MTG2: variants seen among roughly 807,000 people sequenced by gnomAD.
The protein encoded by MTG2 is mitochondrial ribosome-associated GTPase 2.
A neutral mutation model predicts 28.6 loss-of-function variants in MTG2; 23 were observed. The observed-to-expected ratio is 0.80, with a 90% CI of 0.58 to 1.14. MTG2 has a LOEUF of 1.14. MTG2 is among the 50% of genes most tolerant of loss of function. MTG2 has a pLI of 0.00. For missense variants in MTG2, 539 were observed against 552.0 expected (o/e 0.98, Z 0.24); for synonymous variants, 260 against 251.8 (o/e 1.03, Z -0.31).
intron 1 of MTG2, among the ~76,000 whole-genome samples, chr20:62,191,615 T>C (rs145616231): frequency 6.9e-4 from 105 of 152,272 alleles, no homozygotes; most frequent in Admixed American, 1.6e-3. Flanking sequence ...TCCGAGGCAC[T>C]GCGAGGGAGG....
intron 2 of MTG2, 179 bp downstream of exon 2, chr20:62,193,803 C>T (rs1221301971): frequency 2.7e-5 from 17 of 639,144 alleles, no homozygotes; most frequent in South Asian, 1.0e-4. Context: ...CTAAATCCCA[C>T]GCTCAGCAAA....
At chr20:62,196,167 G>GTT (rs35103146) in intron 3 of MTG2, among the ~76,000 whole-genome samples, 11 of 145,972 alleles carry the variant, frequency 7.5e-5, no homozygotes, top group South Asian at 2.1e-4. Context: ...TTGTTTTTTT[G>GTT]TTTTTTTTTT....
intron 6 of MTG2, 83 bp from the exon 7 acceptor site, chr20:62,200,600 C>T: frequency 2.0e-6 from 3 of 1,483,820 alleles, no homozygotes; most frequent in Middle Eastern, 2.1e-4. Flanking sequence ...TCCAGGCCTT[C>T]TCTCCCAGGC....
intron 4 of MTG2, 38 bp from the exon 5 acceptor site, chr20:62,198,595 CT>C (rs1332380667): frequency 6.3e-7 from 1 of 1,599,822 alleles, no homozygotes; most frequent in Non-Finnish European, 8.5e-7. Context: ...TTCCTCACTG[CT>C]GGTAGAGCTC....
At chr20:62,184,530 G>A (rs2057800908) in intron 1 of MTG2, among the ~76,000 whole-genome samples, 1 of 152,206 alleles carries the variant, frequency 6.6e-6, no homozygotes, top group Admixed American at 6.5e-5. Flanking sequence ...ATCAGGGAAG[G>A]CAGCAGTGAT....
At chr20:62,190,571 A>G (rs79535848) in intron 1 of MTG2, among the ~76,000 whole-genome samples, 2,822 of 152,262 alleles carry the variant, frequency 0.019, 42 homozygotes, top group Non-Finnish European at 0.026. Flanking sequence ...TCTGAAAGAT[A>G]TTTTCCCTGC....
intron 3 of MTG2, chr20:62,197,074 A>G (rs1001195956): frequency 2.0e-5 from 3 of 150,296 alleles, no homozygotes; most frequent in Non-Finnish European, 3.0e-5. Flanking sequence ...AATTATATGG[A>G]TATTCATAGT....
chr20:62,198,778 A>G lies in MTG2; in HGVS notation c.613A>G (p.Thr205Ala), dbSNP rs1363276402. Reference protein sequence around the residue: ...FLANNNRAPVTCTPGQPGQQR... With the variant: ...FLANNNRAPVACTPGQPGQQR... ...GGCCAACAACAACCGTGCCCCTGTG[A>G]CCTGTACCCCTGGACAGCCAGGACA... The change falls in exon 5 of 7, where the codon ACC becomes GCC. Residue 205 changes from threonine to alanine, a missense_variant. By Grantham distance (58) the Thr-to-Ala change is moderately conservative. Coordinates refer to ENST00000370823, the MANE Select transcript of MTG2 (RefSeq NM_015666.4). 1.9e-6 allele frequency: 3 copies of G among 1,614,116 alleles called. No homozygotes were observed. In the Admixed American group the frequency reaches 5.0e-5, roughly 27 times the overall value.
At chr20:62,186,226 C>T (rs939390271) in intron 1 of MTG2, among the ~76,000 whole-genome samples, 2 of 152,086 alleles carry the variant, frequency 1.3e-5, no homozygotes, top group East Asian at 1.9e-4. Flanking sequence ...GCCCAGTTTC[C>T]GCAACTTTAA....
chr20:62,198,213 CTTT>C, intron 4 of MTG2: 1 of 547,038 alleles, frequency 1.8e-6, no homozygotes, highest in East Asian at 3.1e-5. Context: ...AAACGATTCT[CTTT>C]TAAAAAGAGG....
chr20:62,197,930 A>G lies in MTG2; in HGVS notation c.431A>G (p.Asn144Ser). The change falls in exon 4 of 7, where the codon AAC (asparagine) becomes AGC (serine). Residue 144 changes from asparagine (N) to serine (S), a missense_variant. Transcript: ENST00000370823. ...AGTGGAGAAGATGGAGGGAGTAAAA[A>G]CTGCTTCGGGCGCAGTGGCGCCGTC... ...GFSGEDGGSK[N>S]CFGRSGAVLY... is the part of the protein sequence containing the mutation. 1 of 1,614,028 alleles carries G rather than the reference A, an allele frequency of 6.2e-7. No homozygotes were observed. Among genetic ancestry groups the G allele is most frequent in the Non-Finnish European group, 8.5e-7 (1 of 1,179,982 alleles).
rs2058167737 is a variant in MTG2, at chr20:62,201,365, C to T, written c.*288C>T. 6 of 429,946 alleles carry T rather than the reference C, an allele frequency of 1.4e-5. No individual in the cohort carries two copies. Among genetic ancestry groups the T allele is most frequent in the South Asian group, 6.4e-5 (2 of 31,232 alleles). 26.6% of individuals were successfully genotyped at this position (429,946 alleles called of 1,614,324 possible). A position where few individuals can be genotyped will look rare whatever the true frequency, so the allele number is the denominator to read the frequency against. On this transcript the variant is annotated 3_prime_UTR_variant, in exon 7 of 7. Coordinates refer to ENST00000370823, the MANE Select transcript of MTG2 (RefSeq NM_015666.4). The stretch of plus-strand genomic sequence containing the variant: ...TAATAAGGGGTTGGGGTGCCCATAA[C>T]GGGGTGGCCCTGCCGCTGACTCAGG...
intron 1 of MTG2, among the ~76,000 whole-genome samples, chr20:62,184,688 G>A (rs542206151): frequency 3.9e-5 from 6 of 152,314 alleles, no homozygotes; most frequent in Admixed American, 3.9e-4. Context: ...TTTTCCTATG[G>A]GGCAAGCTCA....
intron 2 of MTG2, chr20:62,194,195 A>G (rs1456015675): frequency 6.6e-6 from 1 of 152,188 alleles, no homozygotes; most frequent in African/African-American, 2.4e-5. Flanking sequence ...TGTTCTATTT[A>G]CCAAAACCTC....
chr20:62,183,707 C>T (rs936310415), intron 1 of MTG2, among the ~76,000 whole-genome samples: 1 of 152,162 alleles, frequency 6.6e-6, no homozygotes. Context: ...GGTTGTTGGG[C>T]AGTGTCACTA....
At position 62,200,798 on chromosome 20, in the gene MTG2, G is replaced by T; in HGVS notation, c.942G>T (p.Gln314His). The T allele has an allele frequency of 6.2e-7, 1 of 1,613,924 alleles. No homozygotes were observed. The highest frequency in any genetic ancestry group is 8.5e-7 in the Non-Finnish European group (1 of 1,180,046). ...TCTTGTTCGTGGTGGATCTTTCTCA[G>T]CCTGAGCCGTGGACTCAAGTTGACG... ...RFLLFVVDLS[Q>H]PEPWTQVDDL... Residue 314 changes from glutamine to histidine, a missense_variant, in exon 7 of 7, where the codon CAG (glutamine) becomes CAT (histidine). Coordinates refer to ENST00000370823, the MANE Select transcript of MTG2 (RefSeq NM_015666.4).
At chr20:62,199,075 G>A (rs1568791436) in intron 5 of MTG2, 44 bp from the exon 6 acceptor site, 2 of 1,610,746 alleles carry the variant, frequency 1.2e-6, no homozygotes, top group Admixed American at 1.7e-5. Context: ...CGCTAACAAA[G>A]GTGCTGCCGC....
At chr20:62,196,078 T>A in intron 3 of MTG2, 129 bp downstream of exon 3, 1 of 1,149,408 alleles carries the variant, frequency 8.7e-7, no homozygotes, top group African/African-American at 1.5e-5. Context: ...TTGGAGAGGC[T>A]GAGGCAGGAG....
chr20:62,197,895 C>G lies in MTG2; in HGVS notation c.396C>G (p.Tyr132Ter). ...CCCTGTCGTCGGTCCTGTCGCGGTA[C>G]CAGGGTTTCAGTGGAGAAGATGGAG... ...VKSLSSVLSRYQGFSGEDGGS... is the reference protein window; with the variant it reads ...VKSLSSVLSR Residue 132 changes from tyrosine (Y) to a stop codon, truncating the protein, a stop_gained, in exon 4 of 7, where the codon TAC (tyrosine) becomes TAG (stop). Transcript: ENST00000370823. LOFTEE classifies it high-confidence loss of function. The G allele has an allele frequency of 6.2e-7, 1 of 1,614,196 alleles. No individual in the cohort carries two copies.
Sources: gnomAD v4.1 joint callset for allele counts (sites outside exome capture counted in the v4.1 genomes callset) on GRCh38, gnomAD v4.1.1 for gene constraint, MANE v1.5 for transcripts, NCBI Gene and HGNC (gene_info 2026-07-23, HGNC 2026-07-21) for gene names.